Variants in CDH12 observed in about 807,000 individuals in gnomAD.
The protein encoded by CDH12 is cadherin 12.
A neutral mutation model predicts 74.1 loss-of-function variants in CDH12; 41 were observed. That is an observed-to-expected ratio of 0.55 (90% CI 0.43 to 0.72). The LOEUF (loss-of-function observed/expected upper bound fraction) is 0.72. Ranked by LOEUF, CDH12 falls within the 30% of genes least tolerant of loss-of-function variation. CDH12 has a pLI of 0.00. For missense variants in CDH12, 945 were observed against 977.2 expected (o/e 0.97, Z 0.44); for synonymous variants, 399 against 355.0 (o/e 1.12, Z -1.39).
intron 6 of CDH12, among the ~76,000 whole-genome samples, chr5:21,872,927 C>T (rs138051006): frequency 5.2e-5 from 1 of 19,354 alleles, no homozygotes; most frequent in African/African-American, 1.3e-4. Flanking sequence ...CTATCATCTT[C>T]CTATTCATTT....
chr5:22,548,539 A>G lies in CDH12; in HGVS notation c.-522-43175T>C, dbSNP rs556450184. Among the ~76,000 whole-genome samples, 3 of 152,144 alleles carry G rather than the reference A, an allele frequency of 2.0e-5. No individual in the cohort carries two copies. In the East Asian group the frequency reaches 5.8e-4, roughly 30 times the overall value. On this transcript the variant is annotated intron_variant, in intron 1 of 14. Transcript: ENST00000382254. ...CTACCAAATAACATGAAAGTTCCCA[A>G]AAAGAGGTTGGTGAACTAGGCTGTT...
In CDH12 at chr5:22,154,566, C is replaced by T. The variant is rs531100725; in HGVS notation, c.-187+57932G>A. On this transcript the variant is annotated intron_variant, in intron 4 of 14. Coordinates refer to ENST00000382254, the MANE Select transcript of CDH12 (RefSeq NM_004061.5). Reference sequence around the variant, plus strand: ...GTATATGTGTACACATATATATACACATATGTATATATGTATATGTGTACA... The same window carrying T: ...GTATATGTGTACACATATATATACATATATGTATATATGTATATGTGTACA... 4.5e-4 allele frequency among the ~76,000 whole-genome samples: 67 copies of T among 149,564 alleles called. 1 individual carries two copies. Among genetic ancestry groups the T allele is most frequent in the African/African-American group, 1.6e-3 (64 of 40,498 alleles).
At chr5:22,720,347 C>T (rs1317186533) in intron 1 of CDH12, among the ~76,000 whole-genome samples, 1 of 152,154 alleles carries the variant, frequency 6.6e-6, no homozygotes, top group East Asian at 1.9e-4. Context: ...CTTGCTTCTC[C>T]TTCACCTTGC....
intron 2 of CDH12, among the ~76,000 whole-genome samples, chr5:22,469,066 T>C (rs928846033): frequency 2.6e-5 from 4 of 152,172 alleles, no homozygotes; most frequent in Non-Finnish European, 5.9e-5. Context: ...CAGATCACCT[T>C]AATCAGAATA....
chr5:22,795,298 G>C (rs774372908), intron 1 of CDH12, among the ~76,000 whole-genome samples: 9 of 152,084 alleles, frequency 5.9e-5, no homozygotes, highest in Non-Finnish European at 1.3e-4. Context: ...TGTCGAAATG[G>C]TTCTTCTCAT....
chr5:22,722,294 A>G (rs1337956302), intron 1 of CDH12, among the ~76,000 whole-genome samples: 1 of 152,240 alleles, frequency 6.6e-6, no homozygotes, highest in Non-Finnish European at 1.5e-5. Flanking sequence ...AAACACAGAA[A>G]ATCAGAGTAT....
At chr5:22,841,063 C>T (rs905553046) in intron 1 of CDH12, among the ~76,000 whole-genome samples, 1 of 152,156 alleles carries the variant, frequency 6.6e-6, no homozygotes, top group Non-Finnish European at 1.5e-5. Flanking sequence ...TGGGAACTAC[C>T]AGTTGATTTT....
At chr5:22,599,604 T>C (rs1423562062) in intron 1 of CDH12, among the ~76,000 whole-genome samples, 1 of 152,252 alleles carries the variant, frequency 6.6e-6, no homozygotes, top group East Asian at 1.9e-4. Context: ...TTCTGGATTA[T>C]ATAAATACTA....
intron 5 of CDH12, among the ~76,000 whole-genome samples, chr5:22,002,857 T>C (rs1736681757): frequency 6.6e-6 from 1 of 152,094 alleles, no homozygotes; most frequent in Admixed American, 6.6e-5. Flanking sequence ...CTGATTAAAG[T>C]ATGATTCTCT....
At chr5:21,813,708 G>C (rs973278719) in intron 9 of CDH12, among the ~76,000 whole-genome samples, 1 of 152,048 alleles carries the variant, frequency 6.6e-6, no homozygotes, top group African/African-American at 2.4e-5. Flanking sequence ...TTTTGAAATT[G>C]CTGCTCAAAC....
chr5:22,551,076 G>T (rs1738543104), intron 1 of CDH12, among the ~76,000 whole-genome samples: 1 of 152,106 alleles, frequency 6.6e-6, no homozygotes, highest in Non-Finnish European at 1.5e-5. Flanking sequence ...GATTTCCTTG[G>T]AATCTTGTCA....
chr5:22,437,218 CTAAAT>C (rs1744433305), intron 2 of CDH12, among the ~76,000 whole-genome samples: 1 of 151,308 alleles, frequency 6.6e-6, no homozygotes, highest in Admixed American at 6.6e-5. Context: ...CTGTTTTTAC[CTAAAT>C]TAAATATACT....
At chr5:22,321,408 A>G (rs1006972946) in intron 3 of CDH12, among the ~76,000 whole-genome samples, 1 of 141,514 alleles carries the variant, frequency 7.1e-6, no homozygotes, top group Non-Finnish European at 1.5e-5. Flanking sequence ...AAAACCAAAC[A>G]CCGCATATTC....
intron 2 of CDH12, among the ~76,000 whole-genome samples, chr5:22,443,877 T>G (rs1344366389): frequency 6.6e-6 from 1 of 152,116 alleles, no homozygotes; most frequent in Admixed American, 6.6e-5. Context: ...CATACACATG[T>G]GTATATGTAT....
At chr5:22,507,146 T>C (rs1736421573) in intron 1 of CDH12, among the ~76,000 whole-genome samples, 1 of 152,074 alleles carries the variant, frequency 6.6e-6, no homozygotes, top group Admixed American at 6.6e-5. Context: ...ACCGTGTGCA[T>C]ACAACCACAG....
intron 1 of CDH12, among the ~76,000 whole-genome samples, chr5:22,784,041 T>A (rs1443582690): frequency 5.9e-5 from 9 of 152,094 alleles, no homozygotes. Context: ...AGGGCAGTCC[T>A]GATTATTTTT....
intron 1 of CDH12, among the ~76,000 whole-genome samples, chr5:22,747,176 A>G (rs1035123818): frequency 1.3e-5 from 2 of 152,180 alleles, no homozygotes; most frequent in Non-Finnish European, 2.9e-5. Flanking sequence ...ATTTTTATAT[A>G]AGAAAAATGG....
Position 22,038,945 on chromosome 5 carries a change from CTG to C in CDH12, c.231+39499_231+39500del, listed in dbSNP as rs576252219. Among the ~76,000 whole-genome samples the C allele has an allele frequency of 3.7e-3, 566 of 152,256 alleles. 7 individuals are homozygous for C. The highest frequency in any genetic ancestry group is 0.013 in the African/African-American group (530 of 41,546). ...TGGAGCTGCACTGGCTTCCTAGACTCTGAGATGCTGAACGTCATTCTTCCCGG... is the reference window on the plus strand; with the variant it reads ...TGGAGCTGCACTGGCTTCCTAGACTCAGATGCTGAACGTCATTCTTCCCGG... On this transcript the variant is annotated intron_variant, in intron 5 of 14. Transcript: ENST00000382254.
At position 21,966,461 on chromosome 5, in the gene CDH12, A is replaced by G. The variant is rs1378755028; in HGVS notation, c.526+8630T>C. On this transcript the variant is annotated intron_variant, in intron 6 of 14. Transcript: ENST00000382254. Reference sequence around the variant, plus strand: ...AGATGATATGTTGAATTTAGCTCACAGAGTTTAGCTTGCTGCCCCTGCAGG... The same window carrying G: ...AGATGATATGTTGAATTTAGCTCACGGAGTTTAGCTTGCTGCCCCTGCAGG... 9.2e-5 allele frequency among the ~76,000 whole-genome samples: 14 copies of G among 152,212 alleles called. No homozygotes were observed. In the East Asian group the frequency reaches 2.3e-3, roughly 25 times the overall value.
Sources: gnomAD v4.1 joint callset for allele counts (sites outside exome capture counted in the v4.1 genomes callset) on GRCh38, gnomAD v4.1.1 for gene constraint, MANE v1.5 for transcripts, NCBI Gene and HGNC (gene_info 2026-07-23, HGNC 2026-07-21) for gene names.